Variants in ZNF750 observed in about 807,000 individuals in gnomAD.
The protein encoded by ZNF750 is protein ZNF750.
ZNF750 carries 10 observed loss-of-function variants against 31.6 expected under a neutral mutation model. That is an observed-to-expected ratio of 0.32 (90% CI 0.19 to 0.54). ZNF750 has a LOEUF of 0.54. Among genes scored for constraint, ZNF750 ranks in the 20% least tolerant of loss-of-function variants. ZNF750 has a pLI of 0.95. For synonymous variants in ZNF750, 400 were observed against 404.9 expected, an observed-to-expected ratio of 0.99 and a Z score of 0.15; for missense variants, 914 against 934.9, an observed-to-expected ratio of 0.98 and a Z score of 0.29.
chr17:82,832,210 G>A lies in ZNF750; in HGVS notation c.245C>T (p.Thr82Met), dbSNP rs762390558. The change falls in exon 2 of 3, where the codon ACG (threonine) becomes ATG (methionine). Residue 82 changes from threonine (T) to methionine (M), a missense_variant. By Grantham distance (81) the Thr-to-Met change is moderately conservative. Coordinates refer to ENST00000269394, the MANE Select transcript of ZNF750 (RefSeq NM_024702.3). The surrounding 1 kb of genome is among the most constrained non-coding windows in gnomAD (Gnocchi z 4.9). The stretch of plus-strand genomic sequence containing the variant: ...AGACTTGGAAGAGGCTGGCTTCGCC[G>A]TGGCATCGGGCTGGTTGGTTTGCTT... The part of the protein sequence containing the change: ...DPKQTNQPDA[T>M]AKPASSKSVA... 9.3e-6 allele frequency: 15 copies of A among 1,614,236 alleles called. No individual in the cohort carries two copies. The highest frequency in any genetic ancestry group is 1.2e-5 in the Non-Finnish European group (14 of 1,180,048).
At position 82,832,523 on chromosome 17, in the gene ZNF750, G is replaced by A. The variant is rs1431608484; in HGVS notation, c.-69C>T. 12 of 1,433,710 alleles carry A rather than the reference G, an allele frequency of 8.4e-6. 1 individual carries two copies. The Middle Eastern group carries it at 5.3e-4, about 63-fold the overall frequency. 88.8% of individuals were successfully genotyped at this position (1,433,710 alleles called of 1,614,324 possible). On this transcript the variant is annotated 5_prime_UTR_variant, in exon 2 of 3. In the 5' UTR this introduces an upstream ATG that the reference lacks. Transcript: ENST00000269394. The surrounding 1 kb of genome is among the most constrained non-coding windows in gnomAD (Gnocchi z 4.9). ...TCACTGTCGACGCCGCGTGCACTTC[G>A]TGGTTTCTAAAGAGGCACCTCCCGC...
intron 1 of ZNF750, among the ~76,000 whole-genome samples, chr17:82,834,030 C>T (rs1425633040): frequency 6.6e-6 from 1 of 152,070 alleles, no homozygotes; most frequent in Non-Finnish European, 1.5e-5. Context: ...CTGCAACCTC[C>T]GCCTCCTGGG....
chr17:82,832,129 T>G lies in ZNF750; in HGVS notation c.326A>C (p.Glu109Ala). ...CAGCTCCAGGTTTTCCTTGATGTCT[T>G]CCCTGGCAGAGCTGTGCTGAAGCTT... is the stretch of plus-strand genomic sequence containing the variant. The part of the protein sequence containing the change: ...DSKLQHSSAR[E>A]DIKENLELQA... Residue 109 changes from glutamate (E) to alanine (A), a missense_variant, in exon 2 of 3, where the codon GAA becomes GCA. This residue lies in a region of ZNF750 where 880 missense variants were observed against 868.9 expected (regional missense o/e 1.01). Coordinates refer to ENST00000269394, the MANE Select transcript of ZNF750 (RefSeq NM_024702.3). The surrounding 1 kb of genome is among the most constrained non-coding windows in gnomAD (Gnocchi z 4.9). 1 of 1,614,166 alleles carries G rather than the reference T, an allele frequency of 6.2e-7. No individual in the cohort carries two copies.
At chr17:82,838,079 G>A (rs995917052) in intron 1 of ZNF750, among the ~76,000 whole-genome samples, 6 of 152,234 alleles carry the variant, frequency 3.9e-5, no homozygotes, top group Non-Finnish European at 7.3e-5. Context: ...CTGAGAGCTC[G>A]CTTCTCTTCC....
At position 82,832,506 on chromosome 17, in the gene ZNF750, G is replaced by C; in HGVS notation, c.-52C>G. On this transcript the variant is annotated 5_prime_UTR_variant, in exon 2 of 3. Coordinates refer to ENST00000269394, the MANE Select transcript of ZNF750 (RefSeq NM_024702.3). This position sits in a 1 kb window ranked among gnomAD's most constrained non-coding sequence, Gnocchi z 4.9. Reference sequence around the variant, plus strand: ...CTGTCCAGGTGGCGTGATCACTGTCGACGCCGCGTGCACTTCGTGGTTTCT... The same window carrying C: ...CTGTCCAGGTGGCGTGATCACTGTCCACGCCGCGTGCACTTCGTGGTTTCT... 1 of 1,515,590 alleles carries C rather than the reference G, an allele frequency of 6.6e-7. No homozygotes were observed. Among genetic ancestry groups the C allele is most frequent in the Non-Finnish European group, 9.1e-7 (1 of 1,102,668 alleles). 93.9% of individuals were successfully genotyped at this position (1,515,590 alleles called of 1,614,324 possible).
rs996465752 is a variant in ZNF750, at chr17:82,833,275, C to T, written c.-182-639G>A. On this transcript the variant is annotated intron_variant, in intron 1 of 2. Coordinates refer to ENST00000269394, the MANE Select transcript of ZNF750 (RefSeq NM_024702.3). The surrounding 1 kb of genome is among the most constrained non-coding windows in gnomAD (Gnocchi z 4.7). ...CCCAAGTGCTGTGCGCCCCTGCCGTCGGCCTGTAGAACCCAAGACCATGGA... is the reference window on the plus strand; with the variant it reads ...CCCAAGTGCTGTGCGCCCCTGCCGTTGGCCTGTAGAACCCAAGACCATGGA... Among the ~76,000 whole-genome samples the T allele has an allele frequency of 2.0e-5, 3 of 152,232 alleles. No homozygotes were observed. The highest frequency in any genetic ancestry group is 6.8e-3 in the Middle Eastern group (2 of 294).
rs2053391614 is a variant in ZNF750 at position 82,830,482 on chromosome 17, G to T, written c.1832C>A (p.Pro611His). The T allele has an allele frequency of 1.9e-6, 3 of 1,613,348 alleles. No homozygotes were observed. Among genetic ancestry groups the T allele is most frequent in the Non-Finnish European group, 2.5e-6 (3 of 1,179,736 alleles). Reference protein sequence around the residue: ...PGSLDGDGAPPTGPGEEAPDA... With the variant: ...PGSLDGDGAPHTGPGEEAPDA... Reference sequence around the variant, plus strand: ...TGGAGCCTCCTCGCCGGGGCCTGTGGGTGGGGCCCCGTCACCGTCGAGGCT... The same window carrying T: ...TGGAGCCTCCTCGCCGGGGCCTGTGTGTGGGGCCCCGTCACCGTCGAGGCT... The change falls in exon 3 of 3, where the codon CCC becomes CAC. Residue 611 changes from proline to histidine, a missense_variant. Coordinates refer to ENST00000269394, the MANE Select transcript of ZNF750 (RefSeq NM_024702.3).
chr17:82,830,995 G>T (rs764375701), intron 2 of ZNF750, 24 bp downstream of exon 2: 283 of 1,613,778 alleles, frequency 1.8e-4, no homozygotes, highest in Non-Finnish European at 2.4e-4. Flanking sequence ...TCCCTTGGAG[G>T]TTTTGAAAAT....
At position 82,830,573 on chromosome 17, in the gene ZNF750, C is replaced by T; in HGVS notation, c.1741G>A (p.Val581Ile). ...CCTTCTGTCCCAGTCTTCTGTGGAA[C>T]AGCAGCAGCAGGTTCTGCAGCTCGT... ...RPRAAEPAAA[V>I]PQKTGTEGSE... The change falls in exon 3 of 3, where the codon GTT becomes ATT. Residue 581 changes from valine (V) to isoleucine (I), a missense_variant. Coordinates refer to ENST00000269394, the MANE Select transcript of ZNF750 (RefSeq NM_024702.3). 2 of 1,613,952 alleles carry T rather than the reference C, an allele frequency of 1.2e-6. No individual in the cohort carries two copies. The highest frequency in any genetic ancestry group is 1.7e-6 in the Non-Finnish European group (2 of 1,179,966).
At chr17:82,836,137 C>T (rs757845248) in intron 1 of ZNF750, among the ~76,000 whole-genome samples, 3 of 152,236 alleles carry the variant, frequency 2.0e-5, no homozygotes, top group African/African-American at 4.8e-5. Flanking sequence ...CAGTCCCTAC[C>T]GTGTGGGGCA....
Position 82,830,559 on chromosome 17 carries a change from A to C in ZNF750, c.1755T>G (p.Thr585=). 6.2e-7 allele frequency: 1 copy of C among 1,614,012 alleles called. No homozygotes were observed. The highest frequency in any genetic ancestry group is 8.5e-7 in the Non-Finnish European group (1 of 1,179,972). The stretch of plus-strand genomic sequence containing the variant: ...GCCCATCCTCAGAACCTTCTGTCCC[A>C]GTCTTCTGTGGAACAGCAGCAGCAG... The part of the protein sequence containing the change: ...AEPAAAVPQK[T]GTEGSEDGPS... The change falls in exon 3 of 3, where the codon ACT becomes ACG. Residue 585 remains threonine, a synonymous_variant. Coordinates refer to ENST00000269394, the MANE Select transcript of ZNF750 (RefSeq NM_024702.3).
intron 1 of ZNF750, among the ~76,000 whole-genome samples, chr17:82,836,271 C>G (rs902942059): frequency 6.6e-6 from 1 of 152,238 alleles, no homozygotes; most frequent in South Asian, 2.1e-4. Context: ...GCCGGCATGC[C>G]TCGCCGCGCT....
Position 82,833,920 on chromosome 17 carries a change from C to T in ZNF750, c.-182-1284G>A, listed in dbSNP as rs751840563. ...CTCAGGTTTCCTTCAGAGGCTGTGC[C>T]GCACGCCCAAGGCTGAGAACAAAGG... On this transcript the variant is annotated intron_variant, in intron 1 of 2. Transcript: ENST00000269394. The surrounding 1 kb of genome is among the most constrained non-coding windows in gnomAD (Gnocchi z 4.7). Among the ~76,000 whole-genome samples the T allele has an allele frequency of 2.0e-5, 3 of 151,934 alleles. No individual in the cohort carries two copies. Among genetic ancestry groups the T allele is most frequent in the South Asian group, 2.1e-4 (1 of 4,802 alleles).
In ZNF750 at chr17:82,830,194, A is replaced by G. The variant is rs779901218; in HGVS notation, c.2120T>C (p.Leu707Pro). Residue 707 changes from leucine (L) to proline (P), a missense_variant, in exon 3 of 3, where the codon CTG becomes CCG. Physicochemically the swap from Leu to Pro is moderately conservative, Grantham distance 98. This residue lies in a region of ZNF750 where 880 missense variants were observed against 868.9 expected (regional missense o/e 1.01). Coordinates refer to ENST00000269394, the MANE Select transcript of ZNF750 (RefSeq NM_024702.3). ...TGTGAACACTCTGGCCGTGTCCTGC[A>G]GCTTCGCCTTCTTAGCTCCTTGCTG... ...KSQQGAKKAK[L>P]QDTARVFTLR... The G allele has an allele frequency of 6.2e-7, 1 of 1,614,238 alleles. No homozygotes were observed. The highest frequency in any genetic ancestry group is 1.1e-5 in the South Asian group (1 of 91,086).
Position 82,831,249 on chromosome 17 carries a change from G to A in ZNF750, c.1206C>T (p.Pro402=). The A allele has an allele frequency of 6.2e-7, 1 of 1,613,892 alleles. No homozygotes were observed. The highest frequency in any genetic ancestry group is 1.3e-5 in the African/African-American group (1 of 75,052). Residue 402 remains proline, a synonymous_variant, in exon 2 of 3, where the codon CCC becomes CCT. Coordinates refer to ENST00000269394, the MANE Select transcript of ZNF750 (RefSeq NM_024702.3). This position sits in a 1 kb window ranked among gnomAD's most constrained non-coding sequence, Gnocchi z 4.6. ...AGCCCGTGGCTGCACTCCCTGCGCG[G>A]GGGCTCATTTTGGACCCTTCCGTGT... ...QRDTEGSKMS[P]RAGSAATGSP... is the part of the protein sequence containing the mutation.
intron 1 of ZNF750, among the ~76,000 whole-genome samples, chr17:82,838,164 C>T (rs543782355): frequency 3.3e-5 from 5 of 152,278 alleles, no homozygotes; most frequent in South Asian, 4.1e-4. Context: ...TGAGTGGTTT[C>T]GGTTGGCCAT....
At position 82,832,002 on chromosome 17, in the gene ZNF750, A is replaced by C. The variant is rs1443927211; in HGVS notation, c.453T>G (p.Pro151=). 6 of 1,612,708 alleles carry C rather than the reference A, an allele frequency of 3.7e-6. No homozygotes were observed. The South Asian group carries it at 5.5e-5, about 15-fold the overall frequency. The change falls in exon 2 of 3, where the codon CCT becomes CCG. Residue 151 remains proline (P), a synonymous_variant. Transcript: ENST00000269394. The surrounding 1 kb of genome is among the most constrained non-coding windows in gnomAD (Gnocchi z 4.9). ...AAGGCCGAGCTGCGCCTTCCAGAGC[A>C]GGCTGGGCACCGAGGGCGGCTTCCG... is the stretch of plus-strand genomic sequence containing the variant. The part of the protein sequence containing the change: ...PAPEAALGAQ[P]ALEGAARPSA...
Position 82,832,053 on chromosome 17 carries a change from C to T in ZNF750, c.402G>A (p.Arg134=). ...GAGCTGGGCTCTTGCAGGGTGATGC[C>T]CTGTGGAGGGCTGGCTTCTGTCCCA... ...RCLGQKPALH[R]ASPCKSPAPE... Residue 134 remains arginine (R), a synonymous_variant, in exon 2 of 3, where the codon AGG becomes AGA. Transcript: ENST00000269394. This position sits in a 1 kb window ranked among gnomAD's most constrained non-coding sequence, Gnocchi z 4.9. 1 of 1,613,892 alleles carries T rather than the reference C, an allele frequency of 6.2e-7. No homozygotes were observed. Among genetic ancestry groups the T allele is most frequent in the Non-Finnish European group, 8.5e-7 (1 of 1,179,832 alleles).
In ZNF750 at chr17:82,829,939, T is replaced by C; in HGVS notation, c.*203A>G. The C allele has an allele frequency of 1.2e-6, 1 of 830,574 alleles. No homozygotes were observed. Among genetic ancestry groups the C allele is most frequent in the Admixed American group, 2.8e-5 (1 of 35,276 alleles). 51.5% of individuals were successfully genotyped at this position (830,574 alleles called of 1,614,324 possible). On this transcript the variant is annotated 3_prime_UTR_variant, in exon 3 of 3. Coordinates refer to ENST00000269394, the MANE Select transcript of ZNF750 (RefSeq NM_024702.3). ...ATTCAGGTGTTTTTACAACCAAAAGTAGAAGCACCTTTTAATATTCATGCT... is the reference window on the plus strand; with the variant it reads ...ATTCAGGTGTTTTTACAACCAAAAGCAGAAGCACCTTTTAATATTCATGCT...
Sources: allele counts gnomAD v4.1 joint callset (sites outside exome capture counted in the v4.1 genomes callset), GRCh38; gene constraint gnomAD v4.1.1; regional missense constraint gnomAD v4.1.1; non-coding constraint Gnocchi (gnomAD v3.1); transcripts MANE v1.5; gene names NCBI Gene and HGNC (gene_info 2026-07-23, HGNC 2026-07-21).